Variants in PDE7B observed in about 807,000 individuals in gnomAD.
PDE7B encodes 3',5'-cyclic-AMP phosphodiesterase 7B.
A neutral mutation model predicts 56.2 loss-of-function variants in PDE7B; 29 were observed. The observed-to-expected ratio is 0.52, with a 90% CI of 0.38 to 0.70. The LOEUF is 0.70. Ranked by LOEUF, PDE7B falls within the 30% of genes least tolerant of loss-of-function variation. The pLI is 0.00. For missense variants in PDE7B, 490 were observed against 565.0 expected (o/e 0.87, Z 1.35); for synonymous variants, 197 against 196.9 (o/e 1.00, Z 0.00).
chr6:135,981,942 C>T (rs745373186), intron 2 of PDE7B, among the ~76,000 whole-genome samples: 3 of 152,042 alleles, frequency 2.0e-5, no homozygotes, highest in Non-Finnish European at 2.9e-5. Context: ...ACCAGCATCA[C>T]CATAAACAGT....
intron 1 of PDE7B, among the ~76,000 whole-genome samples, chr6:135,926,224 C>T (rs984897375): frequency 1.3e-5 from 2 of 151,616 alleles, no homozygotes; most frequent in Admixed American, 6.6e-5. Context: ...GCAGCTGGGA[C>T]TACAGGCACC....
At chr6:136,153,420 G>T (rs576255690) in intron 6 of PDE7B, among the ~76,000 whole-genome samples, 99 of 152,286 alleles carry the variant, frequency 6.5e-4, no homozygotes, top group Middle Eastern at 3.4e-3. Flanking sequence ...TCCATAAAAA[G>T]CAAACCAAAA....
At chr6:135,913,091 T>C (rs914747706) in intron 1 of PDE7B, among the ~76,000 whole-genome samples, 1 of 152,222 alleles carries the variant, frequency 6.6e-6, no homozygotes, top group Non-Finnish European at 1.5e-5. Context: ...TTGAATACTT[T>C]AGGTGTACCA....
intron 2 of PDE7B, among the ~76,000 whole-genome samples, chr6:136,107,539 T>C (rs1268339615): frequency 6.6e-6 from 1 of 152,216 alleles, no homozygotes; most frequent in African/African-American, 2.4e-5. Flanking sequence ...TGATCCCTGC[T>C]TTGCAGGAGT....
chr6:136,022,364 C>T (rs753781911), intron 2 of PDE7B, among the ~76,000 whole-genome samples: 7 of 152,146 alleles, frequency 4.6e-5, no homozygotes, highest in South Asian at 2.1e-4. Flanking sequence ...GGCCCACAGA[C>T]GGTGCTTAGT....
chr6:136,027,459 A>G (rs1459987674), intron 2 of PDE7B, among the ~76,000 whole-genome samples: 1 of 152,232 alleles, frequency 6.6e-6, no homozygotes, highest in Non-Finnish European at 1.5e-5. Flanking sequence ...AAAAATAATC[A>G]GCAAAAACAT....
chr6:136,075,412 GT>G (rs1777113158), intron 2 of PDE7B, among the ~76,000 whole-genome samples: 1 of 152,140 alleles, frequency 6.6e-6, no homozygotes, highest in Non-Finnish European at 1.5e-5. Context: ...ACTTCTCTTT[GT>G]ACGTAATGAA....
intron 8 of PDE7B, among the ~76,000 whole-genome samples, chr6:136,170,399 G>C (rs769361056): frequency 2.3e-4 from 35 of 152,122 alleles, no homozygotes; most frequent in Non-Finnish European, 4.3e-4. Context: ...CCCAACTCTA[G>C]AACTCTTTTC....
chr6:135,995,280 A>C (rs150931084), intron 2 of PDE7B, among the ~76,000 whole-genome samples: 1 of 151,836 alleles, frequency 6.6e-6, no homozygotes, highest in African/African-American at 2.4e-5. Context: ...AGCCACAGAC[A>C]TGCAACTTCC....
At chr6:136,138,296 TATATC>T (rs1371470469) in intron 3 of PDE7B, among the ~76,000 whole-genome samples, 1 of 152,124 alleles carries the variant, frequency 6.6e-6, no homozygotes, top group Non-Finnish European at 1.5e-5. Flanking sequence ...TGGAAACAAA[TATATC>T]AGATCTTTAT....
chr6:136,160,165 A>G (rs1778678722), intron 8 of PDE7B, among the ~76,000 whole-genome samples: 1 of 152,176 alleles, frequency 6.6e-6, no homozygotes, highest in Non-Finnish European at 1.5e-5. Flanking sequence ...TAAAACTGCA[A>G]GTAGGAAGGG....
intron 3 of PDE7B, among the ~76,000 whole-genome samples, chr6:136,117,971 C>T (rs116348611): frequency 0.025 from 3,849 of 152,224 alleles, 182 homozygotes; most frequent in African/African-American, 0.086. Flanking sequence ...CCTACTTATA[C>T]TGTGAGCTTG....
At chr6:135,928,782 C>A (rs1388510155) in intron 1 of PDE7B, among the ~76,000 whole-genome samples, 1 of 151,342 alleles carries the variant, frequency 6.6e-6, no homozygotes, top group African/African-American at 2.4e-5. Flanking sequence ...AAGATGGGAA[C>A]AATAATAAAC....
rs1777585424 is a variant in PDE7B at position 136,102,814 on chromosome 6, A to G, written c.83-5917A>G. Among the ~76,000 whole-genome samples, 3 of 152,296 alleles carry G rather than the reference A, an allele frequency of 2.0e-5. No individual in the cohort carries two copies. In the South Asian group the frequency reaches 6.2e-4, roughly 32 times the overall value. Reference sequence around the variant, plus strand: ...GCCTTACCTTCTTTAGAAAACAAACACACTACTATTTACATATTCACTTTT... The same window carrying G: ...GCCTTACCTTCTTTAGAAAACAAACGCACTACTATTTACATATTCACTTTT... On this transcript the variant is annotated intron_variant, in intron 2 of 12. Coordinates refer to ENST00000308191, the MANE Select transcript of PDE7B (RefSeq NM_018945.4).
In PDE7B at chr6:136,195,465, A is replaced by G. The variant is rs1417987465; in HGVS notation, c.*3625A>G. 1 of 151,552 alleles carries G rather than the reference A, an allele frequency of 6.6e-6. No homozygotes were observed. The highest frequency in any genetic ancestry group is 6.6e-5 in the Admixed American group (1 of 15,242). The allele number at this position is 151,552 out of a possible 1,614,324, so 9.4% of individuals were successfully genotyped here. On this transcript the variant is annotated 3_prime_UTR_variant, in exon 13 of 13. Transcript: ENST00000308191. ...ACACATGTGAGGTTTGAAAAAAAAA[A>G]AAAAAAAAAAAAGAACTACCTTGTG... is the stretch of plus-strand genomic sequence containing the variant.
At chr6:136,101,374 G>T (rs1487745788) in intron 2 of PDE7B, among the ~76,000 whole-genome samples, 1 of 152,128 alleles carries the variant, frequency 6.6e-6, no homozygotes, top group East Asian at 1.9e-4. Flanking sequence ...GTAGAATTCG[G>T]CTGTGAATTC....
At chr6:135,916,931 G>A (rs868868834) in intron 1 of PDE7B, among the ~76,000 whole-genome samples, 3 of 151,736 alleles carry the variant, frequency 2.0e-5, no homozygotes, top group African/African-American at 2.4e-5. Context: ...TCTGATGAAC[G>A]GATGTTTTAA....
At chr6:136,027,900 G>C (rs1018171194) in intron 2 of PDE7B, among the ~76,000 whole-genome samples, 1 of 152,154 alleles carries the variant, frequency 6.6e-6, no homozygotes, top group Non-Finnish European at 1.5e-5. Context: ...GGGATTACAA[G>C]TGTGAGCCAC....
intron 2 of PDE7B, among the ~76,000 whole-genome samples, chr6:135,953,748 G>C (rs1338451035): frequency 6.6e-6 from 1 of 152,064 alleles, no homozygotes; most frequent in African/African-American, 2.4e-5. Context: ...TGGCAATTTA[G>C]TAATGAACAT....
Sources: gnomAD v4.1 joint callset for allele counts (sites outside exome capture counted in the v4.1 genomes callset) on GRCh38, gnomAD v4.1.1 for gene constraint, MANE v1.5 for transcripts, NCBI Gene and HGNC (gene_info 2026-07-23, HGNC 2026-07-21) for gene names.